The following LRRC43 variants were observed in gnomAD, a reference collection of about 807,000 sequenced individuals.
LRRC43 encodes leucine-rich repeat-containing protein 43.
LRRC43 carries 62 observed loss-of-function variants against 64.3 expected under a neutral mutation model. That is an observed-to-expected ratio of 0.96 (90% CI 0.79 to 1.19). The LOEUF (loss-of-function observed/expected upper bound fraction) is 1.19. Among genes scored for constraint, LRRC43 ranks in the 50% most tolerant of loss-of-function variants. The pLI, the probability that LRRC43 is intolerant of heterozygous loss-of-function variation, is 0.00. For synonymous variants in LRRC43, 422 were observed against 382.3 expected (o/e 1.10, Z -1.21); for missense variants, 868 against 845.0 (o/e 1.03, Z -0.34).
chr12:122,179,467 A>G (rs146686750), upstream of LRRC43, among the ~76,000 whole-genome samples: 15 of 152,268 alleles, frequency 9.9e-5, 1 homozygote, highest in Middle Eastern at 3.4e-3. Context: ...GACACACAGT[A>G]GGCTGTTGGA....
rs1424582423 is a variant in LRRC43 at position 122,173,022 on chromosome 12, T to C, written c.-406+5240T>C. 2.0e-5 allele frequency among the ~76,000 whole-genome samples: 3 copies of C among 152,118 alleles called. No individual in the cohort carries two copies. In the East Asian group the frequency reaches 5.8e-4, roughly 29 times the overall value. ...TCTCACGTGCTCAGGGTGGTGGGAA[T>C]TGCAGCACATCTGGCCTTCCATGGC... is the stretch of plus-strand genomic sequence containing the variant. On this transcript the variant is annotated intron_variant, in intron 1 of 5. Coordinates refer to the LRRC43 transcript ENST00000537729.
At chr12:122,199,367 C>T (rs1953807758) in intron 7 of LRRC43, among the ~76,000 whole-genome samples, 1 of 149,792 alleles carries the variant, frequency 6.7e-6, no homozygotes, top group South Asian at 2.1e-4. Context: ...ACTGCAACCT[C>T]CACCTCCCAG....
intron 1 of LRRC43, among the ~76,000 whole-genome samples, chr12:122,169,625 G>A (rs534228699): frequency 1.8e-4 from 27 of 150,776 alleles, no homozygotes; most frequent in African/African-American, 4.9e-4. Context: ...CTGAGGCAGT[G>A]GAATGGCGTG....
At chr12:122,176,493 A>G (rs144402597) in intron 1 of LRRC43, among the ~76,000 whole-genome samples, 2 of 149,414 alleles carry the variant, frequency 1.3e-5, no homozygotes, top group African/African-American at 4.9e-5. Flanking sequence ...GATCAGATGC[A>G]CTTTATTTTT....
intron 1 of LRRC43, among the ~76,000 whole-genome samples, chr12:122,183,777 G>A (rs1953608998): frequency 6.6e-6 from 1 of 152,102 alleles, no homozygotes; most frequent in Admixed American, 6.6e-5. Context: ...CTTCAACCAC[G>A]AGGGGCGCCC....
At chr12:122,191,737 C>G (rs1406448988) in intron 6 of LRRC43, among the ~76,000 whole-genome samples, 170 bp downstream of exon 6, 1 of 151,884 alleles carries the variant, frequency 6.6e-6, no homozygotes, top group African/African-American at 2.4e-5. Flanking sequence ...TCACTGTAAC[C>G]TCTGCCTCCT....
At chr12:122,188,927 G>A (rs1187991141) in intron 4 of LRRC43, among the ~76,000 whole-genome samples, 1 of 152,142 alleles carries the variant, frequency 6.6e-6, no homozygotes. Context: ...GACAGTTTTT[G>A]TCTGAGCCTG....
At chr12:122,199,924 G>A (rs979380502) in intron 7 of LRRC43, among the ~76,000 whole-genome samples, 12 of 152,194 alleles carry the variant, frequency 7.9e-5, no homozygotes, top group African/African-American at 2.9e-4. Context: ...CTGCCTTTCG[G>A]TTGGTTTCTT....
chr12:122,193,079 C>G (rs1275543376), intron 7 of LRRC43, 75 bp downstream of exon 7: 8 of 1,506,204 alleles, frequency 5.3e-6, no homozygotes, highest in Non-Finnish European at 7.2e-6. Flanking sequence ...CTGCGACCTT[C>G]CATTAAAAGT....
chr12:122,168,270 A>G (rs1468133417), intron 1 of LRRC43, among the ~76,000 whole-genome samples: 1 of 150,746 alleles, frequency 6.6e-6, no homozygotes, highest in Non-Finnish European at 1.5e-5. Context: ...GTGAAACCCC[A>G]TCTCTACTAA....
At position 122,186,241 on chromosome 12, in the gene LRRC43, G is replaced by T; in HGVS notation, c.463G>T (p.Val155Leu). The T allele has an allele frequency of 6.2e-7, 1 of 1,606,748 alleles. No homozygotes were observed. The highest frequency in any genetic ancestry group is 8.5e-7 in the Non-Finnish European group (1 of 1,176,962). The change falls in exon 3 of 12, where the codon GTA becomes TTA. Residue 155 changes from valine to leucine, a missense_variant. Val to Leu is a conservative substitution (Grantham distance 32, BLOSUM62 1). Coordinates refer to ENST00000339777, the MANE Select transcript of LRRC43 (RefSeq NM_001098519.2). ...GAAATTTCTAAAGCTGGAGGAGTTG[G>T]TACTGAGCGCCAATCGAATCAAGGA... ...LLKFLKLEEL[V>L]LSANRIKEVD...
intron 7 of LRRC43, among the ~76,000 whole-genome samples, chr12:122,197,136 A>G (rs1192447198): frequency 6.6e-6 from 1 of 152,074 alleles, no homozygotes; most frequent in Non-Finnish European, 1.5e-5. Flanking sequence ...GTGTCGCCCA[A>G]GTATCATTAT....
intron 1 of LRRC43, among the ~76,000 whole-genome samples, chr12:122,176,490 T>G (rs1953537851): frequency 6.6e-6 from 1 of 150,744 alleles, no homozygotes; most frequent in Non-Finnish European, 1.5e-5. Flanking sequence ...TAAGATCAGA[T>G]GCACTTTATT....
At chr12:122,192,523 C>T (rs1057409829) in intron 6 of LRRC43, among the ~76,000 whole-genome samples, 1 of 152,202 alleles carries the variant, frequency 6.6e-6, no homozygotes, top group Non-Finnish European at 1.5e-5. Context: ...AAACCTGTCT[C>T]CTCCTCCCAC....
chr12:122,178,228 C>T (rs7972875), upstream of LRRC43, among the ~76,000 whole-genome samples: 74,020 of 151,670 alleles, frequency 0.49, 18,333 homozygotes, highest in East Asian at 0.68. Context: ...GTCAGCCTTA[C>T]TGGGGTTTCA....
chr12:122,184,596 C>G lies in LRRC43; in HGVS notation c.228C>G (p.Pro76=), dbSNP rs767289151. ...CCAGAGAGGAGGATGTGGTGAGCCC[C>G]GGAGAGGAGACGGTGGAGGCCCTGC... The part of the protein sequence containing the change: ...LVPREEDVVS[P]GEETVEALLG... The change falls in exon 2 of 12, where the codon CCC becomes CCG. Residue 76 remains proline (P), a synonymous_variant. Transcript: ENST00000339777. This position sits in a 1 kb window ranked among gnomAD's most constrained non-coding sequence, Gnocchi z 4.0. The G allele has an allele frequency of 2.3e-5, 37 of 1,613,686 alleles. No individual in the cohort carries two copies. Among genetic ancestry groups the G allele is most frequent in the East Asian group, 4.5e-5 (2 of 44,890 alleles).
At chr12:122,201,082 C>T in intron 10 of LRRC43, 148 bp downstream of exon 10, 1 of 1,131,090 alleles carries the variant, frequency 8.8e-7, no homozygotes, top group South Asian at 1.5e-5. Context: ...AGCTGGGCTG[C>T]TGGTGCTGCC....
Position 122,187,845 on chromosome 12 carries a change from C to T in LRRC43, c.662+5C>T. ...CTACGTCACCGCTAATCACTGGTAA[C>T]TCGGGAGCCCAGATGGAAAGTGAGA... On this transcript the variant is annotated splice_donor_5th_base_variant and intron_variant, in intron 4 of 11. Transcript: ENST00000339777. 3.7e-6 allele frequency: 6 copies of T among 1,613,746 alleles called. No homozygotes were observed. In the South Asian group the frequency reaches 5.5e-5, roughly 15 times the overall value.
In LRRC43 at chr12:122,184,220, G is replaced by A. The variant is rs900446500; in HGVS notation, c.151-299G>A. Among the ~76,000 whole-genome samples the A allele has an allele frequency of 1.3e-5, 2 of 150,640 alleles. No individual in the cohort carries two copies. The highest frequency in any genetic ancestry group is 6.6e-5 in the Admixed American group (1 of 15,102). ...AACGATTCTCCTGCCTTAGCCTCCC[G>A]AGTAGCTGAGACTACAGTTGCGTGC... On this transcript the variant is annotated intron_variant, in intron 1 of 11. Coordinates refer to ENST00000339777, the MANE Select transcript of LRRC43 (RefSeq NM_001098519.2). This position sits in a 1 kb window ranked among gnomAD's most constrained non-coding sequence, Gnocchi z 4.0.
Sources: gnomAD v4.1 joint callset for allele counts (sites outside exome capture counted in the v4.1 genomes callset) on GRCh38, gnomAD v4.1.1 for gene constraint, Gnocchi (gnomAD v3.1) non-coding constraint, MANE v1.5 for transcripts, NCBI Gene and HGNC (gene_info 2026-07-23, HGNC 2026-07-21) for gene names.